Variants in TMEM45A observed in about 807,000 individuals in gnomAD.
The protein encoded by TMEM45A is transmembrane protein 45A.
Under a neutral mutation model 32.0 loss-of-function variants are expected in TMEM45A, and 25 were observed. The ratio of observed to expected loss-of-function variants is 0.78; its 90% CI spans 0.57 to 1.09. The LOEUF (loss-of-function observed/expected upper bound fraction) is 1.09, where lower values mean the gene tolerates loss of function less well. Among genes scored for constraint, TMEM45A ranks in the 50% least tolerant of loss-of-function variants. TMEM45A has a pLI of 0.00. For synonymous variants in TMEM45A, 122 were observed against 114.8 expected, an observed-to-expected ratio of 1.06 and a Z score of -0.40; for missense variants, 302 against 325.0, an observed-to-expected ratio of 0.93 and a Z score of 0.54.
chr3:100,576,311 C>T (rs1019185199), intron 5 of TMEM45A, among the ~76,000 whole-genome samples: 4 of 152,042 alleles, frequency 2.6e-5, no homozygotes, highest in Non-Finnish European at 4.4e-5. Flanking sequence ...ATTAGCTGGG[C>T]GTGGTGGTGG....
chr3:100,555,226 A>G lies in TMEM45A; in HGVS notation c.15A>G (p.Arg5=), dbSNP rs1706190198. 1 of 1,594,288 alleles carries G rather than the reference A, an allele frequency of 6.3e-7. No homozygotes were observed. Among genetic ancestry groups the G allele is most frequent in the Non-Finnish European group, 8.5e-7 (1 of 1,170,666 alleles). ...ATTTGTAGATCATGGGGAATTTCAG[A>G]GGTCATGCCCTCCCTGGAACCTTCT... is the stretch of plus-strand genomic sequence containing the variant. MGNF[R]GHALPGTFFF... Residue 5 remains arginine (R), a synonymous_variant, in exon 2 of 6, where the codon AGA becomes AGG. Transcript: ENST00000323523.
At chr3:100,564,755 A>G (rs1482128038) in intron 4 of TMEM45A, among the ~76,000 whole-genome samples, 1 of 152,194 alleles carries the variant, frequency 6.6e-6, no homozygotes, top group Admixed American at 6.5e-5. Context: ...AAGTGCTGGG[A>G]TTACAGGCGT....
At chr3:100,516,991 G>A (rs1452632213) in intron 1 of TMEM45A, among the ~76,000 whole-genome samples, 1 of 152,060 alleles carries the variant, frequency 6.6e-6, no homozygotes, top group East Asian at 1.9e-4. Flanking sequence ...CGCATTTTAT[G>A]GAGAACAGCA....
At chr3:100,536,309 A>G (rs6799879) in intron 1 of TMEM45A, among the ~76,000 whole-genome samples, 70,549 of 152,036 alleles carry the variant, frequency 0.46, 16,907 homozygotes, top group African/African-American at 0.57. Context: ...TTCTGATTTG[A>G]TAGGTCTAGG....
At chr3:100,568,233 A>G (rs1706484705) in intron 4 of TMEM45A, among the ~76,000 whole-genome samples, 1 of 152,220 alleles carries the variant, frequency 6.6e-6, no homozygotes, top group African/African-American at 2.4e-5. Context: ...GAATTTCTAT[A>G]TATAAGATCA....
chr3:100,556,784 C>A lies in TMEM45A; in HGVS notation c.215C>A (p.Pro72His). 1 of 1,613,686 alleles carries A rather than the reference C, an allele frequency of 6.2e-7. No individual in the cohort carries two copies. Among genetic ancestry groups the A allele is most frequent in the Non-Finnish European group, 8.5e-7 (1 of 1,179,850 alleles). ...GGCATGGCTGGGGAGCAGTTTATTCCTGGAGGGCCCCATCTGATGTTATAT... is the reference window on the plus strand; with the variant it reads ...GGCATGGCTGGGGAGCAGTTTATTCATGGAGGGCCCCATCTGATGTTATAT... ...LTGMAGEQFIPGGPHLMLYDY... is the reference protein window; with the variant it reads ...LTGMAGEQFIHGGPHLMLYDY... Residue 72 changes from proline (P) to histidine (H), a missense_variant, in exon 3 of 6, where the codon CCT (proline) becomes CAT (histidine). Transcript: ENST00000323523.
Position 100,527,909 on chromosome 3 carries a change from A to C in TMEM45A, c.-3-27300A>C, listed in dbSNP as rs114903452. Among the ~76,000 whole-genome samples, 695 of 152,324 alleles carry C rather than the reference A, an allele frequency of 4.6e-3. 7 individuals carry two copies. The highest frequency in any genetic ancestry group is 0.016 in the African/African-American group (672 of 41,576). On this transcript the variant is annotated intron_variant, in intron 1 of 5. Coordinates refer to ENST00000323523, the MANE Select transcript of TMEM45A (RefSeq NM_018004.3). ...CCAAGACAACTCAGGACACCAGATA[A>C]GACTGGTGTTGCTTGAGAAATCTTC...
chr3:100,567,189 A>G (rs1706458975), intron 4 of TMEM45A, among the ~76,000 whole-genome samples: 1 of 151,892 alleles, frequency 6.6e-6, no homozygotes, highest in East Asian at 1.9e-4. Context: ...TTAATTTTAT[A>G]TATGAGGTAG....
chr3:100,556,767 T>A lies in TMEM45A; in HGVS notation c.198T>A (p.Ala66=). 6.2e-7 allele frequency: 1 copy of A among 1,612,900 alleles called. No individual in the cohort carries two copies. Among genetic ancestry groups the A allele is most frequent in the Non-Finnish European group, 8.5e-7 (1 of 1,179,408 alleles). Residue 66 remains alanine (A), a synonymous_variant, in exon 3 of 6, where the codon GCT becomes GCA. Transcript: ENST00000323523. The stretch of plus-strand genomic sequence containing the variant: ...TGATATGTTTCTTGGCAGGCATGGC[T>A]GGGGAGCAGTTTATTCCTGGAGGGC... ...TIVGMALTGM[A]GEQFIPGGPH...
chr3:100,521,344 T>C (rs1278884094), intron 1 of TMEM45A, among the ~76,000 whole-genome samples: 1 of 151,950 alleles, frequency 6.6e-6, no homozygotes, highest in African/African-American at 2.4e-5. Context: ...AACCTCTGCC[T>C]CCTGGGTTCA....
intron 3 of TMEM45A, 101 bp downstream of exon 3, chr3:100,557,073 T>A: frequency 7.6e-7 from 1 of 1,321,494 alleles, no homozygotes; most frequent in South Asian, 1.2e-5. Flanking sequence ...CAGCCTTGAT[T>A]GATAGGACCA....
At chr3:100,504,574 C>T (rs1048549863) in intron 1 of TMEM45A, among the ~76,000 whole-genome samples, 1 of 152,180 alleles carries the variant, frequency 6.6e-6, no homozygotes, top group African/African-American at 2.4e-5. Context: ...TACCAACGGC[C>T]CAAAAGTCCC....
At chr3:100,548,826 T>C (rs1325503270) in intron 1 of TMEM45A, among the ~76,000 whole-genome samples, 2 of 152,242 alleles carry the variant, frequency 1.3e-5, no homozygotes, top group Admixed American at 6.5e-5. Context: ...GCATCCCAAA[T>C]GCTTTGCGCT....
intron 1 of TMEM45A, among the ~76,000 whole-genome samples, chr3:100,505,657 G>T (rs1369176961): frequency 6.6e-6 from 1 of 152,164 alleles, no homozygotes; most frequent in Non-Finnish European, 1.5e-5. Context: ...AAGAAGTTCT[G>T]TTTCTGCCCA....
chr3:100,493,124 T>C (rs915244696), intron 1 of TMEM45A, among the ~76,000 whole-genome samples, 196 bp downstream of exon 1: 3 of 100,738 alleles, frequency 3.0e-5, no homozygotes, highest in Non-Finnish European at 7.7e-5. Flanking sequence ...GCTATTCTTT[T>C]TTTTTTTTTT....
At chr3:100,543,883 G>C (rs1173354554) in intron 1 of TMEM45A, among the ~76,000 whole-genome samples, 1 of 152,132 alleles carries the variant, frequency 6.6e-6, no homozygotes, top group African/African-American at 2.4e-5. Flanking sequence ...CACAACCTTG[G>C]ATATTTTAGT....
At chr3:100,555,520 C>A (rs1250158603) in intron 2 of TMEM45A, 119 bp downstream of exon 2, 5 of 1,101,660 alleles carry the variant, frequency 4.5e-6, no homozygotes, top group Non-Finnish European at 6.3e-6. Flanking sequence ...AAAGAATAAA[C>A]CCTATCAAAA....
chr3:100,502,431 G>A (rs1444450480), intron 1 of TMEM45A, among the ~76,000 whole-genome samples: 1 of 152,102 alleles, frequency 6.6e-6, no homozygotes. Context: ...AATGCATTTA[G>A]AAAAGATTTG....
At position 100,555,262 on chromosome 3, in the gene TMEM45A, T is replaced by C. The variant is rs1006337448; in HGVS notation, c.51T>C (p.Ile17=). ...TCCCTGGAACCTTCTTTTTTATTAT[T>C]GGTCTTTGGTGGTGTACAAAGAGTA... is the stretch of plus-strand genomic sequence containing the variant. ...HALPGTFFFI[I]GLWWCTKSIL... The change falls in exon 2 of 6, where the codon ATT becomes ATC. Residue 17 remains isoleucine (I), a synonymous_variant. Transcript: ENST00000323523. The C allele has an allele frequency of 2.5e-6, 4 of 1,612,202 alleles. No homozygotes were observed. In the African/African-American group the frequency reaches 5.3e-5, roughly 22 times the overall value.
Sources: gnomAD v4.1 joint callset for allele counts (sites outside exome capture counted in the v4.1 genomes callset) on GRCh38, gnomAD v4.1.1 for gene constraint, MANE v1.5 for transcripts, NCBI Gene and HGNC (gene_info 2026-07-23, HGNC 2026-07-21) for gene names.